The following MYO9B variants were observed in gnomAD, a reference collection of about 807,000 sequenced individuals.
MYO9B encodes myosin IXB.
MYO9B carries 71 observed loss-of-function variants against 229.5 expected under a neutral mutation model. The ratio of observed to expected loss-of-function variants is 0.31; its 90% CI spans 0.26 to 0.38. The LOEUF is 0.38. Among genes scored for constraint, MYO9B ranks in the 10% least tolerant of loss-of-function variants. The pLI is 1.00. For synonymous variants in MYO9B, 1,185 were observed against 1,235.8 expected, an observed-to-expected ratio of 0.96 and a Z score of 0.86; for missense variants, 2,255 against 2,920.5, an observed-to-expected ratio of 0.77 and a Z score of 5.25.
intron 2 of MYO9B, among the ~76,000 whole-genome samples, chr19:17,131,548 C>T (rs1445343929): frequency 3.3e-5 from 5 of 152,194 alleles, no homozygotes; most frequent in Non-Finnish European, 5.9e-5. Context: ...GGATTACAGG[C>T]GTGAGCCACT....
At chr19:17,178,719 G>C (rs1409374746) in intron 14 of MYO9B, among the ~76,000 whole-genome samples, 2 of 152,068 alleles carry the variant, frequency 1.3e-5, no homozygotes, top group African/African-American at 4.8e-5. Flanking sequence ...AGTGCTTTGA[G>C]GGTAATTATC....
chr19:17,081,344 A>G (rs1218531915), intron 1 of MYO9B, among the ~76,000 whole-genome samples: 1 of 152,054 alleles, frequency 6.6e-6, no homozygotes, highest in Non-Finnish European at 1.5e-5. Flanking sequence ...ACATTTTTAG[A>G]TAATATAGGA....
intron 2 of MYO9B, among the ~76,000 whole-genome samples, chr19:17,112,991 C>T (rs921079929): frequency 3.3e-5 from 5 of 152,316 alleles, no homozygotes; most frequent in Admixed American, 6.5e-5. Flanking sequence ...AGGGTCAGGA[C>T]GGGGCCAAGG....
rs1045802126 is a variant in MYO9B at position 17,212,433 on chromosome 19, C to T, written c.*123C>T. 11 of 1,225,526 alleles carry T rather than the reference C, an allele frequency of 9.0e-6. No individual in the cohort carries two copies. The highest frequency in any genetic ancestry group is 5.3e-5 in the South Asian group (3 of 56,360). 75.9% of individuals were successfully genotyped at this position (1,225,526 alleles called of 1,614,324 possible). ...TCCAGAATCAAAAGCTCAAGAGTGA[C>T]GTGAGGTGGGCACCGGCCCCAAGTG... is the stretch of plus-strand genomic sequence containing the variant. On this transcript the variant is annotated 3_prime_UTR_variant, in exon 40 of 40. Transcript: ENST00000682292. The surrounding 1 kb of genome is among the most constrained non-coding windows in gnomAD (Gnocchi z 5.4).
At chr19:17,208,687 G>A (rs964433021) in intron 35 of MYO9B, among the ~76,000 whole-genome samples, 6 of 152,198 alleles carry the variant, frequency 3.9e-5, no homozygotes, top group South Asian at 2.1e-4. Context: ...GTGAGCCACC[G>A]CTTCCAGCCT....
chr19:17,125,513 T>C (rs2058008363), intron 2 of MYO9B, among the ~76,000 whole-genome samples: 1 of 151,936 alleles, frequency 6.6e-6, no homozygotes. Flanking sequence ...CACACTTAGG[T>C]TTTTGTTGTT....
In MYO9B at chr19:17,172,321, A is replaced by G. The variant is rs368622909; in HGVS notation, c.1794-15A>G. 1.1e-5 allele frequency: 18 copies of G among 1,613,576 alleles called. No individual in the cohort carries two copies. The African/African-American group carries it at 1.5e-4, about 13-fold the overall frequency. On this transcript the variant is annotated splice_polypyrimidine_tract_variant and intron_variant, in intron 11 of 39. Coordinates refer to ENST00000682292, the MANE Select transcript of MYO9B (RefSeq NM_004145.4). The surrounding 1 kb of genome is among the most constrained non-coding windows in gnomAD (Gnocchi z 8.2). The stretch of plus-strand genomic sequence containing the variant: ...CGCTGTTCATGCCTGCAAAGGTTCC[A>G]TGTTCTGTTCCCAGCTTCCCCCACG...
chr19:17,091,224 T>C (rs867440170), intron 1 of MYO9B, among the ~76,000 whole-genome samples: 1 of 148,768 alleles, frequency 6.7e-6, no homozygotes, highest in Middle Eastern at 3.2e-3. Context: ...AGTTTTGTTT[T>C]GTTTTTTGTT....
In MYO9B at chr19:17,201,718, A is replaced by G. The variant is rs140669721; in HGVS notation, c.4564-208A>G. 1.5e-3 allele frequency among the ~76,000 whole-genome samples: 234 copies of G among 152,082 alleles called. 1 individual carries two copies. The highest frequency in any genetic ancestry group is 5.3e-3 in the African/African-American group (219 of 41,482). On this transcript the variant is annotated intron_variant, in intron 26 of 39. Coordinates refer to ENST00000682292, the MANE Select transcript of MYO9B (RefSeq NM_004145.4). Reference sequence around the variant, plus strand: ...GCTGTGGTACACAGGGCAGGCCCCAATGTGGAGAGTAGTCCTGCCCTCAAT... The same window carrying G: ...GCTGTGGTACACAGGGCAGGCCCCAGTGTGGAGAGTAGTCCTGCCCTCAAT...
chr19:17,155,431 TAAGCCTCCCAGCATGCTGG>T (rs779529929), intron 6 of MYO9B, among the ~76,000 whole-genome samples: 14 of 152,188 alleles, frequency 9.2e-5, no homozygotes, highest in Non-Finnish European at 1.5e-4. Context: ...TCCACCTGCG[TAAGCCTCCCAGCATGCTGG>T]AATTACAAAC....
At position 17,206,328 on chromosome 19, in the gene MYO9B, G is replaced by A. The variant is rs1235862809; in HGVS notation, c.5338G>A (p.Glu1780Lys). 1.1e-5 allele frequency: 18 copies of A among 1,605,504 alleles called. No homozygotes were observed. Among genetic ancestry groups the A allele is most frequent in the Non-Finnish European group, 1.5e-5 (18 of 1,178,192 alleles). Residue 1780 changes from glutamate to lysine, a missense_variant, in exon 33 of 40, where the codon GAG (glutamate) becomes AAG (lysine). Glu to Lys is a moderately conservative substitution (Grantham distance 56, BLOSUM62 1). Coordinates refer to ENST00000682292, the MANE Select transcript of MYO9B (RefSeq NM_004145.4). ...VLKQWLRELP[E>K]PLMTFAQYGD... ...GAAGCAGTGGCTGCGGGAGCTGCCC[G>A]AGCCCCTCATGACCTTCGCACAGTA...
chr19:17,084,431 C>T (rs990989685), intron 1 of MYO9B, among the ~76,000 whole-genome samples: 8 of 151,940 alleles, frequency 5.3e-5, no homozygotes, highest in African/African-American at 1.9e-4. Flanking sequence ...AATGTAGGGT[C>T]TCTCACCCTC....
At chr19:17,156,778 G>A (rs1568277654) in intron 6 of MYO9B, 131 bp from the exon 7 acceptor site, 2 of 1,037,870 alleles carry the variant, frequency 1.9e-6, no homozygotes, top group African/African-American at 1.6e-5. Context: ...AGAGGCCTTA[G>A]ACATTTTTCA....
intron 29 of MYO9B, 60 bp from the exon 30 acceptor site, chr19:17,203,087 A>C: frequency 3.4e-6 from 5 of 1,456,030 alleles, no homozygotes; most frequent in Non-Finnish European, 3.8e-6. Flanking sequence ...GTCATCCACC[A>C]GTGGCTGGGG....
intron 2 of MYO9B, among the ~76,000 whole-genome samples, chr19:17,122,562 A>C (rs1268405358): frequency 6.6e-6 from 1 of 152,118 alleles, no homozygotes; most frequent in African/African-American, 2.4e-5. Flanking sequence ...TACCTCCTTA[A>C]GTCTACATGG....
chr19:17,198,285 C>T lies in MYO9B; in HGVS notation c.4215C>T (p.Ser1405=). 1 of 1,613,874 alleles carries T rather than the reference C, an allele frequency of 6.2e-7. No individual in the cohort carries two copies. Among genetic ancestry groups the T allele is most frequent in the Non-Finnish European group, 8.5e-7 (1 of 1,179,886 alleles). ...DASSLPDAGL[S]PGSQVDSKST... The stretch of plus-strand genomic sequence containing the variant: ...CCTCCCTCCCAGACGCAGGGCTGTC[C>T]CCGGGCTCTCAGGTCGACTCTAAGT... Residue 1405 remains serine (S), a synonymous_variant, in exon 24 of 40, where the codon TCC becomes TCT. Transcript: ENST00000682292.
intron 19 of MYO9B, among the ~76,000 whole-genome samples, chr19:17,190,637 C>CAA (rs576678289): frequency 1.1e-3 from 119 of 108,836 alleles, no homozygotes; most frequent in Middle Eastern, 5.6e-3. Flanking sequence ...GACCCCGTCT[C>CAA]AAAAAAAAAA....
At chr19:17,185,808 T>A in intron 17 of MYO9B, 113 bp from the exon 18 acceptor site, 1 of 803,860 alleles carries the variant, frequency 1.2e-6, no homozygotes, top group Non-Finnish European at 2.1e-6. Flanking sequence ...CCCACATCTG[T>A]GCAGACCCCA....
chr19:17,211,960 G>A lies in MYO9B; in HGVS notation c.6124G>A (p.Ala2042Thr), dbSNP rs377015078. ...PTPSPLPTVA[A>T]PPRRRPSSFV... ...CCCGAGCCCCCTCCCCACCGTGGCC[G>A]CCCCTCCACGACGAAGGCCGTCGTC... is the stretch of plus-strand genomic sequence containing the variant. The change falls in exon 40 of 40, where the codon GCC (alanine) becomes ACC (threonine). Residue 2042 changes from alanine to threonine, a missense_variant. Physicochemically the swap from Ala to Thr is moderately conservative, Grantham distance 58 (BLOSUM62 0). Around this residue, in one of 7 missense-constraint regions of MYO9B, gnomAD observed 331 missense variants for 332.5 expected, o/e 1.00. Transcript: ENST00000682292. 273 of 858,392 alleles carry A rather than the reference G, an allele frequency of 3.2e-4. No individual in the cohort carries two copies. In the African/African-American group the frequency reaches 5.6e-3, roughly 18 times the overall value. The allele number at this position is 858,392 out of a possible 1,614,324, so 53.2% of individuals were successfully genotyped here. A position where few individuals can be genotyped will look rare whatever the true frequency, so the allele number is the denominator to read the frequency against.
Sources: gnomAD v4.1 joint callset for allele counts (sites outside exome capture counted in the v4.1 genomes callset) on GRCh38, gnomAD v4.1.1 for gene constraint, gnomAD v4.1.1 regional missense constraint, Gnocchi (gnomAD v3.1) non-coding constraint, MANE v1.5 for transcripts, NCBI Gene and HGNC (gene_info 2026-07-23, HGNC 2026-07-21) for gene names.